The following DYM variants were observed in gnomAD, a reference collection of about 807,000 sequenced individuals.
DYM encodes dyggve-Melchior-Clausen syndrome protein.
A neutral mutation model predicts 93.1 loss-of-function variants in DYM; 78 were observed. The ratio of observed to expected loss-of-function variants is 0.84; its 90% CI spans 0.70 to 1.01. DYM has a LOEUF of 1.01. DYM is among the 50% of genes least tolerant of loss of function. DYM has a pLI of 0.00. For synonymous variants in DYM, 321 were observed against 319.7 expected, an observed-to-expected ratio of 1.00 and a Z score of -0.04; for missense variants, 789 against 845.0, an observed-to-expected ratio of 0.93 and a Z score of 0.82.
intron 8 of DYM, among the ~76,000 whole-genome samples, chr18:49,328,647 A>AAAG (rs1410540970): frequency 4.6e-5 from 7 of 152,124 alleles, no homozygotes; most frequent in African/African-American, 1.7e-4. Context: ...ACACTTCTCA[A>AAAG]AAGACATTTA....
rs1446224350 is a variant in DYM at position 49,037,056 on chromosome 18, C to CAT, written c.*6998_*6999insAT. The stretch of plus-strand genomic sequence containing the variant: ...AGCTGGGACTACAGATGCCCACCAC[C>CAT]ACGCCCAGCTAATTTTTGTATTTTT... On this transcript the variant is annotated 3_prime_UTR_variant, in exon 18 of 18. Transcript: ENST00000675505. Among the ~76,000 whole-genome samples, 1 of 152,124 alleles carries CAT rather than the reference C, an allele frequency of 6.6e-6. No individual in the cohort carries two copies. Among genetic ancestry groups the CAT allele is most frequent in the Non-Finnish European group, 1.5e-5 (1 of 68,026 alleles).
chr18:49,218,688 A>T (rs777844393), intron 13 of DYM, among the ~76,000 whole-genome samples: 15 of 152,208 alleles, frequency 9.9e-5, no homozygotes, highest in Non-Finnish European at 2.1e-4. Flanking sequence ...GCAGAAAAAA[A>T]GATGTTCTTT....
At chr18:49,288,725 A>C (rs1207919660) in intron 8 of DYM, among the ~76,000 whole-genome samples, 1 of 152,098 alleles carries the variant, frequency 6.6e-6, no homozygotes, top group East Asian at 1.9e-4. Context: ...GGTTGCAGTG[A>C]GCCGAGATCA....
intron 12 of DYM, 143 bp from the exon 13 acceptor site, chr18:49,257,247 C>G: frequency 1.4e-6 from 1 of 704,124 alleles, no homozygotes; most frequent in Non-Finnish European, 2.5e-6. Context: ...TTTCTAATTC[C>G]TAAATCCATA....
At chr18:49,123,157 A>G (rs1407974165) in intron 15 of DYM, among the ~76,000 whole-genome samples, 1 of 152,144 alleles carries the variant, frequency 6.6e-6, no homozygotes, top group East Asian at 1.9e-4. Context: ...TTATTTGGAT[A>G]AATTTACCTT....
At chr18:49,351,804 AGCTACATGAGAATGT>A (rs2065142152) in intron 6 of DYM, among the ~76,000 whole-genome samples, 1 of 152,230 alleles carries the variant, frequency 6.6e-6, no homozygotes, top group South Asian at 2.1e-4. Context: ...TTTCTTCAAA[AGCTACATGAGAATGT>A]GCTACATGAA....
At chr18:49,111,657 T>C (rs2081405546) in intron 16 of DYM, among the ~76,000 whole-genome samples, 1 of 152,120 alleles carries the variant, frequency 6.6e-6, no homozygotes. Flanking sequence ...TGCCACAGGT[T>C]TTTCAACGTT....
rs1187494932 is a variant in DYM, at chr18:49,037,844, A to G, written c.*6211T>C. On this transcript the variant is annotated 3_prime_UTR_variant, in exon 18 of 18. Transcript: ENST00000675505. ...CAGGTTTGTTGAGACTTTTTTTCTG[A>G]GACAGGGTCTTGCTCTGTCACCCAA... Among the ~76,000 whole-genome samples, 1 of 152,116 alleles carries G rather than the reference A, an allele frequency of 6.6e-6. No homozygotes were observed. Among genetic ancestry groups the G allele is most frequent in the African/African-American group, 2.4e-5 (1 of 41,418 alleles).
intron 15 of DYM, among the ~76,000 whole-genome samples, chr18:49,144,310 T>G (rs2084846896): frequency 9.1e-6 from 1 of 109,998 alleles, no homozygotes; most frequent in Non-Finnish European, 1.8e-5. Context: ...AGTTTTTGGG[T>G]TTTTTTTTTG....
chr18:49,415,005 T>C (rs904443500), intron 2 of DYM, among the ~76,000 whole-genome samples: 7 of 151,930 alleles, frequency 4.6e-5, no homozygotes, highest in Non-Finnish European at 1.0e-4. Flanking sequence ...TTTTTTTTGA[T>C]GTGGAGTTTC....
At chr18:49,326,220 A>C (rs501206) in intron 8 of DYM, among the ~76,000 whole-genome samples, 18,130 of 152,214 alleles carry the variant, frequency 0.12, 1,403 homozygotes, top group Non-Finnish European at 0.17. Context: ...ATACCAAATT[A>C]ATTAAAACTG....
chr18:49,054,498 C>A (rs1037165031), intron 17 of DYM, among the ~76,000 whole-genome samples: 2 of 152,198 alleles, frequency 1.3e-5, no homozygotes. Context: ...CCGCCTTGGC[C>A]TCCCAAAGTG....
intron 12 of DYM, among the ~76,000 whole-genome samples, 178 bp from the exon 13 acceptor site, chr18:49,257,282 T>C (rs1275246270): frequency 1.3e-5 from 2 of 152,192 alleles, no homozygotes; most frequent in Admixed American, 6.5e-5. Context: ...CAAAGTTTTT[T>C]CCACAACACA....
intron 1 of DYM, among the ~76,000 whole-genome samples, chr18:49,458,412 A>C (rs79472447): frequency 2.0e-5 from 3 of 152,182 alleles, no homozygotes; most frequent in African/African-American, 7.2e-5. Context: ...TTCAGAGTCA[A>C]ACATAAAAGC....
chr18:49,167,560 A>AT (rs2088062647), intron 14 of DYM, among the ~76,000 whole-genome samples: 1 of 152,176 alleles, frequency 6.6e-6, no homozygotes, highest in South Asian at 2.1e-4. Context: ...TTTATTTAAC[A>AT]TTTTTAAGGC....
intron 16 of DYM, among the ~76,000 whole-genome samples, chr18:49,101,817 G>T (rs1292301847): frequency 1.3e-5 from 2 of 152,156 alleles, no homozygotes. Context: ...ATAAATAGAT[G>T]ATACCATTTT....
At chr18:49,076,311 G>A (rs2077303349) in intron 17 of DYM, among the ~76,000 whole-genome samples, 1 of 152,182 alleles carries the variant, frequency 6.6e-6, no homozygotes, top group South Asian at 2.1e-4. Context: ...TTTCTACTTT[G>A]AGATGACACT....
intron 17 of DYM, among the ~76,000 whole-genome samples, chr18:49,092,241 T>G (rs564237847): frequency 3.7e-4 from 56 of 152,364 alleles, no homozygotes; most frequent in African/African-American, 1.3e-3. Flanking sequence ...ATTGTTCCAG[T>G]TGGACACTAA....
At chr18:49,327,731 T>A (rs894983368) in intron 8 of DYM, among the ~76,000 whole-genome samples, 3 of 152,168 alleles carry the variant, frequency 2.0e-5, no homozygotes, top group African/African-American at 7.2e-5. Flanking sequence ...TGAAATCAGG[T>A]ATGTAAAGTA....
Sources: allele counts gnomAD v4.1 joint callset (sites outside exome capture counted in the v4.1 genomes callset), GRCh38; gene constraint gnomAD v4.1.1; transcripts MANE v1.5; gene names NCBI Gene and HGNC (gene_info 2026-07-23, HGNC 2026-07-21).